FOCAD: variants seen among roughly 807,000 people sequenced by gnomAD.
FOCAD encodes the protein KIAA1797.
Under a neutral mutation model 225.6 loss-of-function variants are expected in FOCAD, and 198 were observed. That is an observed-to-expected ratio of 0.88 (90% CI 0.78 to 0.99). The LOEUF is 0.99. Among genes scored for constraint, FOCAD ranks in the 50% least tolerant of loss-of-function variants. The pLI is 0.00. For synonymous variants in FOCAD, 897 were observed against 755.0 expected, an observed-to-expected ratio of 1.19 and a Z score of -3.08; for missense variants, 2,713 against 2,123.6, an observed-to-expected ratio of 1.28 and a Z score of -5.46.
At chr9:20,857,517 T>C (rs1266283835) in intron 15 of FOCAD, among the ~76,000 whole-genome samples, 1 of 151,558 alleles carries the variant, frequency 6.6e-6, no homozygotes, top group Non-Finnish European at 1.5e-5. Context: ...TTTCTAAATA[T>C]GAGATCATAT....
At chr9:20,681,826 A>G (rs575915163), upstream of FOCAD, among the ~76,000 whole-genome samples, 96 of 152,346 alleles carry the variant, frequency 6.3e-4, no homozygotes, top group African/African-American at 1.9e-3. Context: ...ATGGACTTCC[A>G]GCTTAACCCT....
chr9:20,985,241 T>G (rs1841052225), intron 39 of FOCAD, among the ~76,000 whole-genome samples: 2 of 152,248 alleles, frequency 1.3e-5, no homozygotes, highest in South Asian at 4.1e-4. Context: ...TTTTGTAATA[T>G]CATACATTGG....
intron 36 of FOCAD, among the ~76,000 whole-genome samples, chr9:20,977,432 C>T (rs1234307185): frequency 6.6e-6 from 1 of 152,192 alleles, no homozygotes; most frequent in Non-Finnish European, 1.5e-5. Context: ...CACCTCAACA[C>T]CTCCAGTTCA....
At chr9:20,802,419 T>C (rs1047242319) in intron 11 of FOCAD, among the ~76,000 whole-genome samples, 3 of 152,148 alleles carry the variant, frequency 2.0e-5, no homozygotes, top group African/African-American at 7.2e-5. Context: ...ATCTTGAATG[T>C]AAGCTGTCTT....
rs1442042378 is a variant in FOCAD, at chr9:20,944,705, A to C, written c.3486A>C (p.Val1162=). 2 of 1,614,112 alleles carry C rather than the reference A, an allele frequency of 1.2e-6. No homozygotes were observed. The highest frequency in any genetic ancestry group is 3.3e-5 in the Admixed American group (2 of 60,026). ...HSSQMQSRVH[V]AALLRKLSAH... ...GCCAAATGCAGTCCCGCGTTCACGT[A>C]GCAGCATTGCTCCGGAAGCTGTCTG... The change falls in exon 29 of 44, where the codon GTA becomes GTC. Residue 1162 remains valine, a synonymous_variant. Coordinates refer to ENST00000338382, the MANE Select transcript of FOCAD (RefSeq NM_001375567.1).
chr9:20,990,820 C>T (rs896377579), intron 42 of FOCAD, among the ~76,000 whole-genome samples: 2 of 152,132 alleles, frequency 1.3e-5, no homozygotes, highest in Non-Finnish European at 2.9e-5. Flanking sequence ...AAGTTTTCTG[C>T]CAGGAAATGT....
intron 8 of FOCAD, among the ~76,000 whole-genome samples, chr9:20,773,137 C>T (rs979624152): frequency 3.3e-5 from 5 of 152,096 alleles, no homozygotes; most frequent in Admixed American, 6.6e-5. Context: ...ATGTGAGTAG[C>T]AAGTATAATT....
intron 2 of FOCAD, among the ~76,000 whole-genome samples, chr9:20,667,852 CG>C (rs1224687447): frequency 1.3e-5 from 2 of 152,014 alleles, no homozygotes; most frequent in Non-Finnish European, 2.9e-5. Context: ...CTAATGAAGA[CG>C]GGATTCTTTC....
intron 1 of FOCAD, among the ~76,000 whole-genome samples, chr9:20,695,155 TTGGTAATTAAA>T (rs994346334): frequency 2.6e-5 from 4 of 152,198 alleles, no homozygotes; most frequent in Non-Finnish European, 2.9e-5. Flanking sequence ...TTCTTGTAAA[TTGGTAATTAAA>T]TATAGAGAGT....
At chr9:20,924,129 A>G (rs1281361146) in intron 25 of FOCAD, among the ~76,000 whole-genome samples, 2 of 152,126 alleles carry the variant, frequency 1.3e-5, no homozygotes, top group Non-Finnish European at 2.9e-5. Context: ...AAAAAAATGT[A>G]CTTTGCATTT....
chr9:20,680,580 T>C (rs1303473965), upstream of FOCAD, among the ~76,000 whole-genome samples: 1 of 152,148 alleles, frequency 6.6e-6, no homozygotes, highest in Admixed American at 6.6e-5. Context: ...TTTAAAAATT[T>C]ATATCCCAGT....
chr9:20,830,197 A>G (rs1483464049), intron 15 of FOCAD, among the ~76,000 whole-genome samples: 2 of 152,050 alleles, frequency 1.3e-5, no homozygotes, highest in Non-Finnish European at 2.9e-5. Flanking sequence ...TGAGAATGAT[A>G]CTTGGACTTT....
At chr9:20,681,079 A>G (rs181397468), upstream of FOCAD, among the ~76,000 whole-genome samples, 413 of 152,320 alleles carry the variant, frequency 2.7e-3, no homozygotes, top group Non-Finnish European at 4.7e-3. Flanking sequence ...TATGACATTG[A>G]AGAATTGAAG....
intron 20 of FOCAD, among the ~76,000 whole-genome samples, chr9:20,883,551 C>A (rs1406408165): frequency 6.6e-6 from 1 of 152,132 alleles, no homozygotes; most frequent in Non-Finnish European, 1.5e-5. Context: ...AGAGTTTGTC[C>A]TCTGATGACA....
chr9:20,927,574 G>C (rs1360491964), intron 26 of FOCAD, among the ~76,000 whole-genome samples: 2 of 150,854 alleles, frequency 1.3e-5, no homozygotes, highest in African/African-American at 4.9e-5. Flanking sequence ...CTTCATGCTT[G>C]TATTCTAAGA....
At chr9:20,821,179 T>C in intron 14 of FOCAD, 108 bp downstream of exon 14, 1 of 987,134 alleles carries the variant, frequency 1.0e-6, no homozygotes, top group Non-Finnish European at 1.4e-6. Flanking sequence ...GATATATAAG[T>C]ACTAATAATT....
intron 39 of FOCAD, among the ~76,000 whole-genome samples, chr9:20,985,203 A>T (rs750249725): frequency 2.0e-5 from 3 of 152,212 alleles, no homozygotes; most frequent in Non-Finnish European, 2.9e-5. Context: ...GGTCTGTTTT[A>T]CACTTTGGGT....
In FOCAD at chr9:20,929,401, C is replaced by T. The variant is rs753329885; in HGVS notation, c.3122C>T (p.Ser1041Phe). 2 of 1,614,102 alleles carry T rather than the reference C, an allele frequency of 1.2e-6. No homozygotes were observed. The highest frequency in any genetic ancestry group is 1.1e-5 in the South Asian group (1 of 91,076). The change falls in exon 27 of 44, where the codon TCT (serine) becomes TTT (phenylalanine). Residue 1041 changes from serine (S) to phenylalanine (F), a missense_variant. By Grantham distance (155) the Ser-to-Phe change is radical. Coordinates refer to ENST00000338382, the MANE Select transcript of FOCAD (RefSeq NM_001375567.1). ...GENTASAIAR[S>F]AAATALSLLV... is the part of the protein sequence containing the mutation. The stretch of plus-strand genomic sequence containing the variant: ...AACACAGCTAGTGCCATTGCCCGTT[C>T]TGCTGCCGCCACGGCTTTGTCTCTC...
intron 11 of FOCAD, among the ~76,000 whole-genome samples, chr9:20,815,123 G>GTTTTTTTTTTTTT (rs71334554): frequency 2.3e-5 from 2 of 85,392 alleles, no homozygotes; most frequent in Admixed American, 1.4e-4. Context: ...ACTTCTCTTT[G>GTTTTTTTTTTTTT]TTTTTTTTTT....
Sources: gnomAD v4.1 joint callset for allele counts (sites outside exome capture counted in the v4.1 genomes callset) on GRCh38, gnomAD v4.1.1 for gene constraint, MANE v1.5 for transcripts, NCBI Gene and HGNC (gene_info 2026-07-23, HGNC 2026-07-21) for gene names.